ATP6V0A2: variants seen among roughly 807,000 people sequenced by gnomAD.
ATP6V0A2 encodes the protein ATPase H+ transporting V0 subunit a2.
A neutral mutation model predicts 104.4 loss-of-function variants in ATP6V0A2; 58 were observed. That is an observed-to-expected ratio of 0.56 (90% CI 0.45 to 0.69). The LOEUF is 0.69. Ranked by LOEUF, ATP6V0A2 falls within the 30% of genes least tolerant of loss-of-function variation. The probability of loss-of-function intolerance (pLI) is 0.00; values close to 1 mark genes in which losing one functional copy is unlikely to be tolerated. For missense variants in ATP6V0A2, 938 were observed against 1,062.9 expected (o/e 0.88, Z 1.63); for synonymous variants, 376 against 397.9 (o/e 0.95, Z 0.65).
intron 6 of ATP6V0A2, among the ~76,000 whole-genome samples, chr12:123,730,145 C>G (rs887627774): frequency 6.7e-6 from 1 of 149,922 alleles, no homozygotes; most frequent in South Asian, 2.1e-4. Context: ...AGCTCCGCCT[C>G]CTGGGTTCAC....
chr12:123,741,950 G>C (rs1956613461), intron 9 of ATP6V0A2, among the ~76,000 whole-genome samples: 1 of 152,014 alleles, frequency 6.6e-6, no homozygotes, highest in Non-Finnish European at 1.5e-5. Context: ...CAAACACGTC[G>C]GGTCCTGGAT....
intron 16 of ATP6V0A2, 143 bp from the exon 17 acceptor site, chr12:123,752,140 G>A: frequency 2.0e-6 from 2 of 1,000,062 alleles, no homozygotes; most frequent in South Asian, 1.5e-5. Flanking sequence ...GATTACAGGT[G>A]TGAGCCACTG....
At position 123,712,509 on chromosome 12, in the gene ATP6V0A2, G is replaced by C. The variant is rs1021208054; in HGVS notation, c.-57G>C. The C allele has an allele frequency of 7.5e-7, 1 of 1,328,488 alleles. No individual in the cohort carries two copies. Among genetic ancestry groups the C allele is most frequent in the Non-Finnish European group, 1.0e-6 (1 of 976,480 alleles). 82.3% of individuals were successfully genotyped at this position (1,328,488 alleles called of 1,614,324 possible). A position where few individuals can be genotyped will look rare whatever the true frequency, so the allele number is the denominator to read the frequency against. ...CCGCACCGGCTGAGTGTGCGGGCCC[G>C]CGCGGCTCGGAGCCGCCGCCGCCCA... On this transcript the variant is annotated 5_prime_UTR_variant, in exon 1 of 20. Transcript: ENST00000330342.
At chr12:123,733,691 G>A (rs905573313) in intron 6 of ATP6V0A2, 26 of 531,492 alleles carry the variant, frequency 4.9e-5, no homozygotes, top group South Asian at 8.6e-5. Context: ...CTGGGAACGC[G>A]GGTGTCGGGT....
intron 15 of ATP6V0A2, 109 bp from the exon 16 acceptor site, chr12:123,751,001 T>G (rs1956708594): frequency 4.8e-6 from 7 of 1,472,972 alleles, no homozygotes; most frequent in Non-Finnish European, 6.6e-6. Flanking sequence ...TTATTGAATG[T>G]TCCTCGCGTG....
chr12:123,754,048 T>C (rs1336527071), intron 17 of ATP6V0A2: 1 of 337,050 alleles, frequency 3.0e-6, no homozygotes, highest in Non-Finnish European at 5.5e-6. Flanking sequence ...GGTTGGTGAA[T>C]ACCTATTTTA....
chr12:123,751,999 C>T (rs1168869215), intron 16 of ATP6V0A2, among the ~76,000 whole-genome samples: 1 of 151,834 alleles, frequency 6.6e-6, no homozygotes, highest in African/African-American at 2.4e-5. Context: ...AGGGGGACTA[C>T]AGGCGCCCGC....
intron 6 of ATP6V0A2, chr12:123,732,574 C>T (rs1956511842): frequency 6.6e-6 from 1 of 152,374 alleles, no homozygotes; most frequent in African/African-American, 2.4e-5. Context: ...TGTGTGTACT[C>T]CTCTGCTTGG....
At position 123,758,230 on chromosome 12, in the gene ATP6V0A2, T is replaced by G. The variant is rs919159889; in HGVS notation, c.*198T>G. On this transcript the variant is annotated 3_prime_UTR_variant, in exon 20 of 20. Coordinates refer to ENST00000330342, the MANE Select transcript of ATP6V0A2 (RefSeq NM_012463.4). ...GTTTACCAATTTGAGATATAAAAATTTCTTTTGGTTTTTTATGATGAGCAA... is the reference window on the plus strand; with the variant it reads ...GTTTACCAATTTGAGATATAAAAATGTCTTTTGGTTTTTTATGATGAGCAA... The G allele has an allele frequency of 1.3e-5, 6 of 465,330 alleles. No individual in the cohort carries two copies. The highest frequency in any genetic ancestry group is 1.2e-4 in the African/African-American group (6 of 49,874). The allele number at this position is 465,330 out of a possible 1,614,324, so 28.8% of individuals were successfully genotyped here. A position where few individuals can be genotyped will look rare whatever the true frequency, so the allele number is the denominator to read the frequency against.
intron 6 of ATP6V0A2, among the ~76,000 whole-genome samples, chr12:123,730,219 T>C (rs1303929691): frequency 1.3e-5 from 2 of 151,462 alleles, no homozygotes; most frequent in African/African-American, 2.4e-5. Flanking sequence ...CGCTCCCGGC[T>C]AATTTTTTGT....
chr12:123,744,468 G>T lies in ATP6V0A2; in HGVS notation c.1327-129G>T. ...GCAGGTGTGTGGCCTGTCAGCTGCGGCTGACAGGGATGTCTGCGGGGCGAG... is the reference window on the plus strand; with the variant it reads ...GCAGGTGTGTGGCCTGTCAGCTGCGTCTGACAGGGATGTCTGCGGGGCGAG... On this transcript the variant is annotated intron_variant, in intron 11 of 19. Coordinates refer to ENST00000330342, the MANE Select transcript of ATP6V0A2 (RefSeq NM_012463.4). The surrounding 1 kb of genome is among the most constrained non-coding windows in gnomAD (Gnocchi z 5.4). 6.4e-7 allele frequency: 1 copy of T among 1,558,846 alleles called. No individual in the cohort carries two copies. The highest frequency in any genetic ancestry group is 8.8e-7 in the Non-Finnish European group (1 of 1,135,312).
chr12:123,756,780 C>T (rs373344721), intron 18 of ATP6V0A2, 35 bp from the exon 19 acceptor site: 21 of 1,611,774 alleles, frequency 1.3e-5, no homozygotes, highest in South Asian at 4.4e-5. Context: ...TGTACATAAG[C>T]GAGCATGACC....
In ATP6V0A2 at chr12:123,756,098, A is replaced by AC. The variant is rs544974171; in HGVS notation, c.2294-717_2294-716insC. On this transcript the variant is annotated intron_variant, in intron 18 of 19. Transcript: ENST00000330342. Reference sequence around the variant, plus strand: ...TCTGTCTCAAAAAAAAAAAAAAAAAAACCGAAAAACAACTCTCTTATTGTT... The same window carrying AC: ...TCTGTCTCAAAAAAAAAAAAAAAAAACACCGAAAAACAACTCTCTTATTGTT... Among the ~76,000 whole-genome samples the AC allele has an allele frequency of 7.9e-3, 1,138 of 144,340 alleles. 40 individuals are homozygous for AC. The highest frequency in any genetic ancestry group is 0.032 in the East Asian group (157 of 4,834). The allele number at this position is 144,340 out of a possible 152,430, so 94.7% of individuals were successfully genotyped here. A position where few individuals can be genotyped will look rare whatever the true frequency, so the allele number is the denominator to read the frequency against.
chr12:123,731,274 A>T (rs989097436), intron 6 of ATP6V0A2: 1 of 152,128 alleles, frequency 6.6e-6, no homozygotes, highest in Non-Finnish European at 1.5e-5. Context: ...TTATCTGGTA[A>T]CTTTTACTCA....
chr12:123,724,541 AAG>A, intron 3 of ATP6V0A2, 111 bp from the exon 4 acceptor site: 1 of 1,212,170 alleles, frequency 8.2e-7, no homozygotes. Context: ...AAAAAAAAAA[AAG>A]AAAAAAACAA....
chr12:123,756,077 T>C (rs1463291859), intron 18 of ATP6V0A2, among the ~76,000 whole-genome samples: 11 of 134,656 alleles, frequency 8.2e-5, no homozygotes, highest in Admixed American at 7.0e-4. Context: ...CGAGACTCTG[T>C]CTCAAAAAAA....
chr12:123,737,497 C>T (rs967457839), intron 9 of ATP6V0A2: 17 of 508,502 alleles, frequency 3.3e-5, no homozygotes, highest in Non-Finnish European at 2.5e-5. Context: ...GATCCTCCTG[C>T]CTCAGCCTCC....
chr12:123,754,229 A>G (rs1956742085), intron 17 of ATP6V0A2, 191 bp from the exon 18 acceptor site: 2 of 622,892 alleles, frequency 3.2e-6, no homozygotes, highest in South Asian at 3.8e-5. Flanking sequence ...AAGTCTGGTC[A>G]TGGAGCTGGG....
Position 123,727,872 on chromosome 12 carries a change from A to G in ATP6V0A2, c.611A>G (p.Tyr204Cys), listed in dbSNP as rs759273432. Residue 204 changes from tyrosine (Y) to cysteine (C), a missense_variant, in exon 6 of 20, where the codon TAT (tyrosine) becomes TGT (cysteine). Tyr to Cys is a radical substitution (Grantham distance 194). Coordinates refer to ENST00000330342, the MANE Select transcript of ATP6V0A2 (RefSeq NM_012463.4). The stretch of plus-strand genomic sequence containing the variant: ...TGCAAAGGGTACACCATCGTGTCCT[A>G]TGCAGAACTGGATGAATCCCTTGAA... The part of the protein sequence containing the change: ...RVCKGYTIVS[Y>C]AELDESLEDP... The G allele has an allele frequency of 4.3e-6, 7 of 1,614,228 alleles. No homozygotes were observed. The highest frequency in any genetic ancestry group is 1.6e-4 in the Middle Eastern group (1 of 6,062).
Sources: allele counts gnomAD v4.1 joint callset (sites outside exome capture counted in the v4.1 genomes callset), GRCh38; gene constraint gnomAD v4.1.1; non-coding constraint Gnocchi (gnomAD v3.1); transcripts MANE v1.5; gene names NCBI Gene and HGNC (gene_info 2026-07-23, HGNC 2026-07-21).